Variants in KLRG1 observed in about 807,000 individuals in gnomAD.
KLRG1 encodes killer cell lectin like receptor G1.
Under a neutral mutation model 21.8 loss-of-function variants are expected in KLRG1, and 16 were observed. That is an observed-to-expected ratio of 0.73 (90% CI 0.50 to 1.11). The LOEUF is 1.11. KLRG1 is among the 50% of genes most tolerant of loss of function. KLRG1 has a pLI of 0.00. For synonymous variants in KLRG1, 69 were observed against 75.9 expected, an observed-to-expected ratio of 0.91 and a Z score of 0.47; for missense variants, 173 against 218.3, an observed-to-expected ratio of 0.79 and a Z score of 1.31.
chr12:8,950,084 G>C (rs1946169782), exon 1 of KLRG1: 2 of 152,208 alleles, frequency 1.3e-5, no homozygotes, highest in South Asian at 4.1e-4. Context: ...TCCCTAGCCC[G>C]TTCGCCGCCT....
the KLRG1 span, among the ~76,000 whole-genome samples, chr12:9,190,427 A>C: frequency 6.6e-6 from 1 of 152,190 alleles, no homozygotes; most frequent in Non-Finnish European, 1.5e-5. Context: ...GTGCTCAGTT[A>C]TAAGTGGGAG....
the KLRG1 span, chr12:9,095,680 T>C: frequency 6.2e-7 from 1 of 1,612,730 alleles, no homozygotes. Context: ...TGAGGTCCTT[T>C]TCTGGTAGCA....
intron 1 of KLRG1, among the ~76,000 whole-genome samples, chr12:8,972,410 C>A (rs192949200): frequency 6.6e-6 from 1 of 152,178 alleles, no homozygotes; most frequent in Non-Finnish European, 1.5e-5. Context: ...GCCCCTGCCT[C>A]GGCATCCCAA....
the KLRG1 span, among the ~76,000 whole-genome samples, chr12:9,137,564 T>C: frequency 5.9e-5 from 9 of 152,214 alleles, no homozygotes; most frequent in African/African-American, 2.2e-4. Context: ...TTTTAAACAA[T>C]ACCAATGTGA....
chr12:9,106,469 T>C, the KLRG1 span: 48 of 1,502,516 alleles, frequency 3.2e-5, no homozygotes, highest in East Asian at 1.1e-3. Context: ...TGTTTTCTCT[T>C]ATACCCATGT....
At chr12:9,204,030 A>T in the KLRG1 span, 2 of 1,318,530 alleles carry the variant, frequency 1.5e-6, no homozygotes, top group Non-Finnish European at 2.1e-6. Context: ...TTTCATAACA[A>T]TATGTATTAA....
At chr12:9,185,788 A>ACGTTTCTTTTCTTTTCTTTTCTTTT in the KLRG1 span, among the ~76,000 whole-genome samples, 1 of 51,482 alleles carries the variant, frequency 1.9e-5, no homozygotes, top group Non-Finnish European at 4.3e-5. Context: ...CCTATGTTCA[A>ACGTTTCTTTTCTTTTCTTTTCTTTT]CATTTCTTTT....
the KLRG1 span, among the ~76,000 whole-genome samples, chr12:9,099,707 T>G: frequency 6.6e-6 from 1 of 152,202 alleles, no homozygotes; most frequent in African/African-American, 2.4e-5. Flanking sequence ...CTGTTGATTT[T>G]TCACCAGCTT....
intron 1 of KLRG1, among the ~76,000 whole-genome samples, chr12:8,961,617 C>A (rs1946383154): frequency 6.6e-6 from 1 of 151,748 alleles, no homozygotes; most frequent in Non-Finnish European, 1.5e-5. Flanking sequence ...GACAGAGTTT[C>A]ACCATGTTGG....
At chr12:9,121,235 AC>A in the KLRG1 span, among the ~76,000 whole-genome samples, 98 of 152,296 alleles carry the variant, frequency 6.4e-4, 1 homozygote, top group African/African-American at 2.3e-3. The surrounding 1 kb of genome is among the most constrained non-coding windows in gnomAD (Gnocchi z 4.4). Context: ...AGATAAAAGC[AC>A]ATCCTCAGGT....
intron 2 of KLRG1, among the ~76,000 whole-genome samples, chr12:8,992,551 G>C (rs991576984): frequency 6.6e-6 from 1 of 152,010 alleles, no homozygotes; most frequent in African/African-American, 2.4e-5. Flanking sequence ...TGATAGATTT[G>C]TGTGCTGCTA....
the KLRG1 span, chr12:9,068,728 A>C: frequency 6.4e-7 from 1 of 1,569,748 alleles, no homozygotes; most frequent in Non-Finnish European, 8.7e-7. Context: ...CGTGAAAATC[A>C]CTCTCACTCA....
At chr12:8,988,998 A>G (rs2137318302), upstream of KLRG1, among the ~76,000 whole-genome samples, 1 of 152,386 alleles carries the variant, frequency 6.6e-6, no homozygotes, top group South Asian at 2.1e-4. Context: ...TAATAATAAA[A>G]AAAATAAGAC....
chr12:9,038,316 G>A, the KLRG1 span, among the ~76,000 whole-genome samples: 1 of 152,272 alleles, frequency 6.6e-6, no homozygotes. Flanking sequence ...GCCAGGAAGG[G>A]CAGGCTGGGA....
At chr12:9,020,882 G>A in the KLRG1 span, among the ~76,000 whole-genome samples, 6 of 152,110 alleles carry the variant, frequency 3.9e-5, no homozygotes, top group Non-Finnish European at 7.4e-5. Context: ...ATTCATCATC[G>A]TGGCAACATC....
At chr12:8,963,555 A>T (rs928733347) in intron 1 of KLRG1, among the ~76,000 whole-genome samples, 37 of 152,218 alleles carry the variant, frequency 2.4e-4, no homozygotes, top group African/African-American at 7.0e-4. Flanking sequence ...TCATAAAATG[A>T]GTTAGGGAGG....
the KLRG1 span, among the ~76,000 whole-genome samples, chr12:9,146,566 C>A: frequency 6.6e-6 from 1 of 152,068 alleles, no homozygotes; most frequent in Non-Finnish European, 1.5e-5. Flanking sequence ...TCTTCATTTT[C>A]TTTGACTCTC....
At chr12:9,173,455 A>G in the KLRG1 span, among the ~76,000 whole-genome samples, 1 of 152,174 alleles carries the variant, frequency 6.6e-6, no homozygotes, top group Non-Finnish European at 1.5e-5. Flanking sequence ...CTAGCAGAAG[A>G]CAAGAAATAG....
At chr12:9,205,433 A>G in the KLRG1 span, among the ~76,000 whole-genome samples, 4 of 152,206 alleles carry the variant, frequency 2.6e-5, no homozygotes, top group South Asian at 8.3e-4. Context: ...GTATTAAGCC[A>G]TTTAATCTTC....
Sources: allele counts gnomAD v4.1 joint callset (sites outside exome capture counted in the v4.1 genomes callset), GRCh38; gene constraint gnomAD v4.1.1; non-coding constraint Gnocchi (gnomAD v3.1); transcripts MANE v1.5; gene names NCBI Gene and HGNC (gene_info 2026-07-23, HGNC 2026-07-21).